Variants in ZNF385D observed in about 807,000 individuals in gnomAD.
ZNF385D encodes the protein zinc finger protein 659.
ZNF385D carries 15 observed loss-of-function variants against 35.8 expected under a neutral mutation model. The ratio of observed to expected loss-of-function variants is 0.42; its 90% CI spans 0.28 to 0.64. The LOEUF (loss-of-function observed/expected upper bound fraction) is 0.64, where lower values mean the gene tolerates loss of function less well. ZNF385D is among the 30% of genes least tolerant of loss of function. ZNF385D has a pLI of 0.23. For synonymous variants in ZNF385D, 212 were observed against 186.8 expected, an observed-to-expected ratio of 1.13 and a Z score of -1.10; for missense variants, 474 against 494.6, an observed-to-expected ratio of 0.96 and a Z score of 0.39.
chr3:22,193,272 T>C (rs1696182566), intron 2 of ZNF385D, among the ~76,000 whole-genome samples: 1 of 152,120 alleles, frequency 6.6e-6, no homozygotes, highest in African/African-American at 2.4e-5. Context: ...TAAAAATGGC[T>C]TTCTCTTCCT....
chr3:22,325,599 A>C (rs1694638453), intron 2 of ZNF385D, among the ~76,000 whole-genome samples: 1 of 152,008 alleles, frequency 6.6e-6, no homozygotes, highest in Admixed American at 6.5e-5. Flanking sequence ...CTTCTACTAA[A>C]ATTATAAAAC....
chr3:21,583,951 C>T (rs375518795), intron 2 of ZNF385D, among the ~76,000 whole-genome samples: 36 of 132,932 alleles, frequency 2.7e-4, no homozygotes, highest in Admixed American at 7.6e-4. Context: ...ATTTATTTTA[C>T]TTATTTACTT....
At chr3:21,963,711 G>A (rs1021382608) in intron 3 of ZNF385D, among the ~76,000 whole-genome samples, 2 of 152,090 alleles carry the variant, frequency 1.3e-5, no homozygotes, top group African/African-American at 4.8e-5. Flanking sequence ...TTAGATTGGT[G>A]CAAAAGTAAT....
rs869185529 is a variant in ZNF385D at position 21,895,345 on chromosome 3, T to TTTTA, written c.326-230318_326-230317insTAAA. On this transcript the variant is annotated intron_variant, in intron 3 of 5. Coordinates refer to the ZNF385D transcript ENST00000494108. ...TTTTTTTTTTTTTTTTTTTTTTTTT[T>TTTTA]AAGACAGAGTCTCACTCTGTCACCC... 2.1e-5 allele frequency among the ~76,000 whole-genome samples: 3 copies of TTTTA among 143,182 alleles called. 1 individual carries two copies. Among genetic ancestry groups the TTTTA allele is most frequent in the Non-Finnish European group, 4.5e-5 (3 of 66,304 alleles). 93.9% of individuals were successfully genotyped at this position (143,182 alleles called of 152,430 possible). A position where few individuals can be genotyped will look rare whatever the true frequency, so the allele number is the denominator to read the frequency against.
At chr3:21,712,117 T>C (rs2068132785) in intron 1 of ZNF385D, among the ~76,000 whole-genome samples, 1 of 152,050 alleles carries the variant, frequency 6.6e-6, no homozygotes, top group Admixed American at 6.6e-5. Flanking sequence ...TCGATGGCAA[T>C]AGTCAGGTAA....
chr3:21,965,710 A>T (rs1321000137), intron 3 of ZNF385D, among the ~76,000 whole-genome samples: 1 of 152,224 alleles, frequency 6.6e-6, no homozygotes, highest in Non-Finnish European at 1.5e-5. Context: ...TGTTATATCA[A>T]CATTAAATTT....
At chr3:22,261,389 G>T (rs192683628) in intron 2 of ZNF385D, among the ~76,000 whole-genome samples, 1 of 152,112 alleles carries the variant, frequency 6.6e-6, no homozygotes, top group Admixed American at 6.6e-5. Flanking sequence ...TTGAGAAGAG[G>T]TTGAATTAGC....
intron 3 of ZNF385D, among the ~76,000 whole-genome samples, chr3:21,766,333 A>G (rs2070829204): frequency 6.6e-6 from 1 of 152,088 alleles, no homozygotes; most frequent in Non-Finnish European, 1.5e-5. Context: ...AATGAAGAAC[A>G]TTTACTTTTG....
chr3:21,444,312 C>T (rs1702025170), intron 4 of ZNF385D, among the ~76,000 whole-genome samples: 1 of 151,032 alleles, frequency 6.6e-6, no homozygotes, highest in African/African-American at 2.4e-5. Flanking sequence ...GAACTCCTGA[C>T]CTGACGATCT....
chr3:22,215,680 G>T lies in ZNF385D; in HGVS notation c.107-46645C>A, dbSNP rs146473002. Reference sequence around the variant, plus strand: ...CCTGGTACTGTAGTCCTGTAATCTCGCCCTGCCTCCATTTGCCTTGTGATA... The same window carrying T: ...CCTGGTACTGTAGTCCTGTAATCTCTCCCTGCCTCCATTTGCCTTGTGATA... On this transcript the variant is annotated intron_variant, in intron 2 of 5. Coordinates refer to the ZNF385D transcript ENST00000494108. Among the ~76,000 whole-genome samples the T allele has an allele frequency of 1.3e-3, 204 of 151,922 alleles. 3 individuals carry two copies. The South Asian group carries it at 0.028, about 21-fold the overall frequency.
At chr3:22,157,373 G>T (rs1705657045) in intron 3 of ZNF385D, among the ~76,000 whole-genome samples, 1 of 151,980 alleles carries the variant, frequency 6.6e-6, no homozygotes. Context: ...TTTATTATCT[G>T]CTTAGCAGAC....
At chr3:21,498,991 G>A (rs988035560) in intron 4 of ZNF385D, among the ~76,000 whole-genome samples, 9 of 149,636 alleles carry the variant, frequency 6.0e-5, no homozygotes, top group Admixed American at 6.0e-4. Flanking sequence ...AACAGATGCT[G>A]GCAAGGTTGT....
At chr3:22,238,186 C>T (rs1045750831) in intron 2 of ZNF385D, among the ~76,000 whole-genome samples, 15 of 151,042 alleles carry the variant, frequency 9.9e-5, no homozygotes, top group African/African-American at 3.7e-4. Context: ...ATGCCTGTAC[C>T]ACATTCCATT....
At chr3:22,289,481 C>G (rs1702188251) in intron 2 of ZNF385D, among the ~76,000 whole-genome samples, 1 of 152,144 alleles carries the variant, frequency 6.6e-6, no homozygotes, top group African/African-American at 2.4e-5. Context: ...TGTTTCTCTA[C>G]ACCACTGATT....
At chr3:21,871,234 G>A (rs368401878) in intron 3 of ZNF385D, among the ~76,000 whole-genome samples, 3 of 152,158 alleles carry the variant, frequency 2.0e-5, no homozygotes, top group African/African-American at 7.2e-5. Flanking sequence ...CTTCCCCACT[G>A]TATTTCCCTC....
intron 2 of ZNF385D, among the ~76,000 whole-genome samples, chr3:21,638,196 T>A (rs544511119): frequency 6.6e-6 from 1 of 152,076 alleles, no homozygotes; most frequent in Non-Finnish European, 1.5e-5. Context: ...AAAATTAGTA[T>A]GCAATATACA....
At chr3:22,078,220 A>C (rs190870760) in intron 3 of ZNF385D, among the ~76,000 whole-genome samples, 16 of 151,964 alleles carry the variant, frequency 1.1e-4, no homozygotes, top group African/African-American at 3.6e-4. Flanking sequence ...CACAGCATAG[A>C]CCCTTTTCAA....
intron 3 of ZNF385D, among the ~76,000 whole-genome samples, chr3:21,757,975 C>A (rs1463187367): frequency 6.6e-6 from 1 of 152,170 alleles, no homozygotes; most frequent in Non-Finnish European, 1.5e-5. Context: ...TCCTACTGTT[C>A]CTACTGAGAA....
rs560154477 is a variant in ZNF385D, at chr3:22,194,266, G to A, written c.107-25231C>T. Among the ~76,000 whole-genome samples, 391 of 151,504 alleles carry A rather than the reference G, an allele frequency of 2.6e-3. 1 individual carries two copies. The highest frequency in any genetic ancestry group is 4.5e-3 in the Non-Finnish European group (304 of 67,702). Reference sequence around the variant, plus strand: ...AAGTATTAATTTTGTCATATACATCGGTGCTATTTTATTATTCCTTCCATA... The same window carrying A: ...AAGTATTAATTTTGTCATATACATCAGTGCTATTTTATTATTCCTTCCATA... On this transcript the variant is annotated intron_variant, in intron 2 of 5. Coordinates refer to the ZNF385D transcript ENST00000494108.
Sources: allele counts gnomAD v4.1 joint callset (sites outside exome capture counted in the v4.1 genomes callset), GRCh38; gene constraint gnomAD v4.1.1; transcripts MANE v1.5; gene names NCBI Gene and HGNC (gene_info 2026-07-23, HGNC 2026-07-21).